Variants in DCC observed in about 807,000 individuals in gnomAD.
The protein encoded by DCC is DCC netrin 1 receptor, also known as netrin receptor DCC.
Under a neutral mutation model 172.5 loss-of-function variants are expected in DCC, and 58 were observed. The observed-to-expected ratio is 0.34, with a 90% CI of 0.27 to 0.42. The LOEUF is 0.42. Among genes scored for constraint, DCC ranks in the 10% least tolerant of loss-of-function variants. The pLI, the probability that DCC is intolerant of heterozygous loss-of-function variation, is 1.00. For synonymous variants in DCC, 709 were observed against 644.5 expected (o/e 1.10, Z -1.52); for missense variants, 1,740 against 1,791.0 (o/e 0.97, Z 0.51).
chr18:52,847,831 AT>A (rs972401925), intron 2 of DCC, among the ~76,000 whole-genome samples: 4 of 152,294 alleles, frequency 2.6e-5, no homozygotes, highest in African/African-American at 9.6e-5. Context: ...TAACTTAAGG[AT>A]TTATTAGCCT....
intron 2 of DCC, among the ~76,000 whole-genome samples, chr18:52,779,607 TAAA>T (rs1370724400): frequency 6.6e-6 from 1 of 152,244 alleles, no homozygotes; most frequent in East Asian, 1.9e-4. Context: ...GGTGCCATAA[TAAA>T]CATACATGCA....
chr18:53,111,569 A>G (rs1379025780), intron 7 of DCC, among the ~76,000 whole-genome samples: 1 of 151,466 alleles, frequency 6.6e-6, no homozygotes, highest in East Asian at 1.9e-4. Context: ...GGATTTTTAC[A>G]ATTTTAGGTT....
chr18:53,161,337 C>T (rs1057199426), intron 8 of DCC, among the ~76,000 whole-genome samples: 15 of 152,174 alleles, frequency 9.9e-5, no homozygotes, highest in African/African-American at 3.1e-4. Context: ...ATTTCTCCTT[C>T]GGTGAAACTC....
At chr18:52,564,266 T>C (rs1256040246) in intron 1 of DCC, among the ~76,000 whole-genome samples, 1 of 152,104 alleles carries the variant, frequency 6.6e-6, no homozygotes, top group Non-Finnish European at 1.5e-5. Flanking sequence ...CATGTGCATA[T>C]TATTTGCTTT....
intron 1 of DCC, among the ~76,000 whole-genome samples, chr18:52,477,232 T>C (rs1250573940): frequency 6.6e-6 from 1 of 152,152 alleles, no homozygotes; most frequent in East Asian, 1.9e-4. Context: ...GGGATCACCA[T>C]TCCCTGCATC....
At chr18:52,936,961 A>G (rs947751337) in intron 5 of DCC, among the ~76,000 whole-genome samples, 4 of 152,174 alleles carry the variant, frequency 2.6e-5, no homozygotes, top group Non-Finnish European at 5.9e-5. Flanking sequence ...TGGTGCAATC[A>G]TTTCAGTAAC....
intron 1 of DCC, among the ~76,000 whole-genome samples, chr18:52,750,892 A>T (rs1599073293): frequency 6.6e-6 from 1 of 152,132 alleles, no homozygotes; most frequent in African/African-American, 2.4e-5. Context: ...CAAGGTTGCT[A>T]TCGTGGAAAA....
At position 52,789,940 on chromosome 18, in the gene DCC, C is replaced by T. The variant is rs150570203; in HGVS notation, c.412+37566C>T. On this transcript the variant is annotated intron_variant, in intron 2 of 28. Coordinates refer to ENST00000442544, the MANE Select transcript of DCC (RefSeq NM_005215.4). Reference sequence around the variant, plus strand: ...ATCAGGAACCATGGCTCAGGAGTCACGCAGCTGAAGGCTACAAAATTTTGA... The same window carrying T: ...ATCAGGAACCATGGCTCAGGAGTCATGCAGCTGAAGGCTACAAAATTTTGA... 6.3e-3 allele frequency among the ~76,000 whole-genome samples: 965 copies of T among 152,250 alleles called. 11 individuals are homozygous for T. The highest frequency in any genetic ancestry group is 0.01 in the South Asian group (49 of 4,824).
intron 2 of DCC, among the ~76,000 whole-genome samples, chr18:52,875,148 A>G (rs1052215966): frequency 1.3e-5 from 2 of 152,174 alleles, no homozygotes; most frequent in Non-Finnish European, 2.9e-5. Context: ...CTCAAGGAAC[A>G]GTAATTTCTC....
intron 1 of DCC, among the ~76,000 whole-genome samples, chr18:52,396,441 C>T (rs1341726104): frequency 6.6e-6 from 1 of 152,010 alleles, no homozygotes; most frequent in Non-Finnish European, 1.5e-5. Flanking sequence ...TGCCAACTAG[C>T]TCCTCCAAAC....
rs377638040 is a variant in DCC at position 53,183,021 on chromosome 18, G to A, written c.1573+3905G>A. Reference sequence around the variant, plus strand: ...ATGGGTCTCAGCTGAGTATGCATTTGGTTGCTGCTTTTATCAATGTTTTCC... The same window carrying A: ...ATGGGTCTCAGCTGAGTATGCATTTAGTTGCTGCTTTTATCAATGTTTTCC... On this transcript the variant is annotated intron_variant, in intron 9 of 28. Transcript: ENST00000442544. Among the ~76,000 whole-genome samples the A allele has an allele frequency of 9.2e-5, 14 of 152,162 alleles. No homozygotes were observed. The East Asian group carries it at 2.7e-3, about 29-fold the overall frequency.
intron 1 of DCC, among the ~76,000 whole-genome samples, chr18:52,617,791 G>C (rs75347170): frequency 0.022 from 3,356 of 152,108 alleles, 51 homozygotes; most frequent in Non-Finnish European, 0.033. Context: ...TAATGCTATA[G>C]TTTATCAGTG....
At chr18:52,933,694 A>G (rs990167041) in intron 5 of DCC, among the ~76,000 whole-genome samples, 1 of 152,020 alleles carries the variant, frequency 6.6e-6, no homozygotes. Context: ...TTAGCCAGCT[A>G]TGTAAACCTC....
intron 1 of DCC, among the ~76,000 whole-genome samples, chr18:52,557,064 T>A (rs2032933646): frequency 6.6e-6 from 1 of 152,218 alleles, no homozygotes; most frequent in Admixed American, 6.5e-5. Flanking sequence ...AACTTTAAAA[T>A]CACTAGCTAT....
chr18:53,478,094 G>A (rs1041751161), intron 25 of DCC, among the ~76,000 whole-genome samples: 1 of 152,184 alleles, frequency 6.6e-6, no homozygotes, highest in Non-Finnish European at 1.5e-5. Context: ...CACCAGTGAG[G>A]GTGAAGGATA....
At chr18:52,807,351 A>T (rs1299960563) in intron 2 of DCC, among the ~76,000 whole-genome samples, 2 of 152,218 alleles carry the variant, frequency 1.3e-5, no homozygotes, top group African/African-American at 4.8e-5. Context: ...TAAGTATAAA[A>T]TACAACCATT....
intron 12 of DCC, among the ~76,000 whole-genome samples, chr18:53,302,851 A>C (rs2144776829): frequency 6.6e-6 from 1 of 152,126 alleles, no homozygotes; most frequent in East Asian, 1.9e-4. Flanking sequence ...GTTTTATGTG[A>C]CCTGCTTTTT....
rs201159894 is a variant in DCC at position 52,362,781 on chromosome 18, C to CA, written c.91+21903_91+21904insA. Among the ~76,000 whole-genome samples, 507 of 131,300 alleles carry CA rather than the reference C, an allele frequency of 3.9e-3. 6 individuals are homozygous for CA. The highest frequency in any genetic ancestry group is 0.018 in the African/African-American group (482 of 26,854). 86.1% of individuals were successfully genotyped at this position (131,300 alleles called of 152,430 possible). On this transcript the variant is annotated intron_variant, in intron 1 of 28. Transcript: ENST00000442544. ...ACAAAACTTCTCTTTGTTCTTTTAG[C>CA]CCCCCCCACTCCCCTCCTCCCTCCA...
chr18:53,418,083 A>T (rs922574845), intron 21 of DCC, among the ~76,000 whole-genome samples: 3 of 152,088 alleles, frequency 2.0e-5, no homozygotes, highest in African/African-American at 4.8e-5. Flanking sequence ...TCTTCATCTA[A>T]TATTACTCAG....
Sources: allele counts gnomAD v4.1 joint callset (sites outside exome capture counted in the v4.1 genomes callset), GRCh38; gene constraint gnomAD v4.1.1; transcripts MANE v1.5; gene names NCBI Gene and HGNC (gene_info 2026-07-23, HGNC 2026-07-21).